The following ATRX variants were observed in gnomAD, a reference collection of about 807,000 sequenced individuals.
The protein encoded by ATRX is ATRX chromatin remodeler.
Under a neutral mutation model 172.6 loss-of-function variants are expected in ATRX, and 12 were observed. The observed-to-expected ratio is 0.07, with a 90% confidence interval of 0.04 to 0.11. The LOEUF is 0.11. Ranked by LOEUF, ATRX falls within the 10% of genes least tolerant of loss-of-function variation. ATRX has a pLI of 1.00. For missense variants in ATRX, 1,368 were observed against 1,767.4 expected (o/e 0.77, Z 4.05); for synonymous variants, 674 against 594.7 (o/e 1.13, Z -1.94).
rs2070146626 is a variant in ATRX at position 77,664,813 on chromosome X, T to A, written c.3810-35A>T. The A allele has an allele frequency of 2.6e-6, 3 of 1,142,717 alleles. No homozygotes were observed. The East Asian group carries it at 9.0e-5, about 34-fold the overall frequency. The allele number at this position is 1,142,717 out of a possible 1,213,427, so 94.2% of individuals were successfully genotyped here. The stretch of plus-strand genomic sequence containing the variant: ...AAAAAACAATAAAAAAAGAACTATA[T>A]ATCTGGGGGTGAAATACACCAAATT... On this transcript the variant is annotated intron_variant, in intron 10 of 34. Transcript: ENST00000373344.
At chrX:77,536,017 G>A (rs1016067397) in intron 30 of ATRX, among the ~76,000 whole-genome samples, 7 of 109,211 alleles carry the variant, frequency 6.4e-5, no homozygotes, top group Non-Finnish European at 1.3e-4. Context: ...TGGGATTACA[G>A]GTGTGAGCCA....
chrX:77,691,169 A>C (rs1360235255), intron 6 of ATRX: 1 of 112,294 alleles, frequency 8.9e-6, no homozygotes, highest in East Asian at 2.8e-4. Context: ...TATATAAAAA[A>C]CATAGAAAAA....
At position 77,508,632 on chromosome X, in the gene ATRX, A is replaced by G. The variant is rs1557034965; in HGVS notation, c.7201-3T>C. 2.5e-6 allele frequency: 3 copies of G among 1,211,792 alleles called. No individual in the cohort carries two copies. The highest frequency in any genetic ancestry group is 1.7e-5 in the African/African-American group (1 of 57,836). ...ATTCGCTGAACACAGCTGATTAACT[A>G]TAGAGAAAAAATGGGAGTCATTACA... is the stretch of plus-strand genomic sequence containing the variant. On this transcript the variant is annotated splice_polypyrimidine_tract_variant and splice_region_variant and intron_variant, in intron 34 of 34. Transcript: ENST00000373344.
intron 22 of ATRX, among the ~76,000 whole-genome samples, chrX:77,605,715 CAT>C (rs2066879861): frequency 9.0e-6 from 1 of 111,462 alleles, no homozygotes; most frequent in Non-Finnish European, 1.9e-5. Flanking sequence ...CACTGATGAA[CAT>C]AGATATTAAA....
At chrX:77,621,289 A>G (rs1356728941) in intron 19 of ATRX, among the ~76,000 whole-genome samples, 2 of 111,851 alleles carry the variant, frequency 1.8e-5, no homozygotes, top group East Asian at 5.6e-4. Context: ...TTGTTAAAAT[A>G]ACATACATAT....
chrX:77,773,346 C>A (rs1569546647), intron 1 of ATRX, among the ~76,000 whole-genome samples: 1 of 110,363 alleles, frequency 9.1e-6, no homozygotes. Flanking sequence ...ATGGAAAAAG[C>A]AAGAAAAATG....
intron 1 of ATRX, among the ~76,000 whole-genome samples, chrX:77,753,891 TTTG>T (rs1476365675): frequency 9.0e-6 from 1 of 111,392 alleles, no homozygotes; most frequent in African/African-American, 3.3e-5. Flanking sequence ...CCTGAATATT[TTTG>T]TTAATTTTCT....
chrX:77,713,050 G>A (rs2073192003), intron 2 of ATRX, among the ~76,000 whole-genome samples: 1 of 110,455 alleles, frequency 9.1e-6, no homozygotes, highest in Admixed American at 9.7e-5. Context: ...TTGGTAGGCT[G>A]AGGCAGGAGA....
intron 30 of ATRX, among the ~76,000 whole-genome samples, chrX:77,528,382 C>T (rs2063467769): frequency 9.0e-6 from 1 of 111,325 alleles, no homozygotes; most frequent in Non-Finnish European, 1.9e-5. Context: ...GTGCAACACA[C>T]CTGCTCTACC....
At chrX:77,522,137 T>A (rs1049737213) in intron 32 of ATRX, 126 bp downstream of exon 32, 13 of 975,577 alleles carry the variant, frequency 1.3e-5, no homozygotes, top group African/African-American at 3.8e-5. Context: ...AAAACAAAAA[T>A]TTATTCGTCT....
chrX:77,670,799 A>G (rs933775562), intron 10 of ATRX, among the ~76,000 whole-genome samples: 1 of 107,008 alleles, frequency 9.3e-6, no homozygotes, highest in Non-Finnish European at 1.9e-5. Flanking sequence ...TTCAAAATTC[A>G]TATTAGTATA....
intron 26 of ATRX, among the ~76,000 whole-genome samples, chrX:77,590,216 C>T (rs1268029506): frequency 9.0e-6 from 1 of 111,192 alleles, no homozygotes; most frequent in African/African-American, 3.3e-5. Flanking sequence ...AAGGGACAGG[C>T]ACAGATCAAT....
chrX:77,591,208 C>G (rs1557080281), intron 26 of ATRX, among the ~76,000 whole-genome samples: 1 of 111,733 alleles, frequency 8.9e-6, no homozygotes, highest in East Asian at 2.8e-4. Flanking sequence ...TTCCCTTACC[C>G]TCTCCTTTCG....
intron 25 of ATRX, among the ~76,000 whole-genome samples, chrX:77,598,381 C>A (rs1274011120): frequency 1.8e-5 from 2 of 111,227 alleles, no homozygotes; most frequent in Non-Finnish European, 3.8e-5. Flanking sequence ...CAAAGCTGAG[C>A]ATCATGCAAT....
intron 1 of ATRX, among the ~76,000 whole-genome samples, chrX:77,732,575 T>C (rs1252669049): frequency 4.5e-5 from 5 of 111,691 alleles, no homozygotes; most frequent in African/African-American, 1.6e-4. Flanking sequence ...AAAAAGATCA[T>C]TCATCGTAAC....
chrX:77,611,307 C>T (rs1482300074), intron 22 of ATRX, among the ~76,000 whole-genome samples: 1 of 111,340 alleles, frequency 9.0e-6, no homozygotes, highest in Non-Finnish European at 1.9e-5. Flanking sequence ...TTAATTTTGA[C>T]GTCCCTTTCC....
At chrX:77,555,850 A>G (rs782397819) in intron 30 of ATRX, among the ~76,000 whole-genome samples, 3 of 110,456 alleles carry the variant, frequency 2.7e-5, no homozygotes, top group Non-Finnish European at 5.7e-5. Flanking sequence ...CAGCACACGT[A>G]TAACAGAACT....
chrX:77,658,701 A>C (rs1182225093), intron 12 of ATRX, among the ~76,000 whole-genome samples: 2 of 112,109 alleles, frequency 1.8e-5, no homozygotes, highest in African/African-American at 6.5e-5. Flanking sequence ...TGTTTCAATA[A>C]AAGCTTATTT....
intron 19 of ATRX, among the ~76,000 whole-genome samples, chrX:77,624,317 A>G (rs781975216): frequency 9.0e-6 from 1 of 111,566 alleles, no homozygotes; most frequent in Admixed American, 9.5e-5. Context: ...CAGTGAGCCA[A>G]GATCGCACCA....
Sources: gnomAD v4.1 joint callset for allele counts (sites outside exome capture counted in the v4.1 genomes callset) on GRCh38, gnomAD v4.1.1 for gene constraint, MANE v1.5 for transcripts, NCBI Gene and HGNC (gene_info 2026-07-23, HGNC 2026-07-21) for gene names.